Variants in ANKRD30B observed in about 807,000 individuals in gnomAD.
ANKRD30B encodes ankyrin repeat domain 30B.
ANKRD30B carries 144 observed loss-of-function variants against 202.2 expected under a neutral mutation model. That is an observed-to-expected ratio of 0.71 (90% CI 0.62 to 0.82). The LOEUF is 0.82. Ranked by LOEUF, ANKRD30B falls within the 40% of genes least tolerant of loss-of-function variation. The probability of loss-of-function intolerance (pLI) is 0.00; values close to 1 mark genes in which losing one functional copy is unlikely to be tolerated. For synonymous variants in ANKRD30B, 508 were observed against 561.3 expected (o/e 0.91, Z 1.34); for missense variants, 1,487 against 1,669.1 (o/e 0.89, Z 1.90).
At chr18:14,787,175 T>C in intron 15 of ANKRD30B, 75 bp downstream of exon 15, 2 of 1,354,496 alleles carry the variant, frequency 1.5e-6, no homozygotes, top group South Asian at 2.6e-5. Context: ...GCTTAGACTT[T>C]ATTTTCTCAC....
intron 16 of ANKRD30B, among the ~76,000 whole-genome samples, chr18:14,793,337 T>A: frequency 6.6e-6 from 1 of 152,152 alleles, no homozygotes; most frequent in East Asian, 1.9e-4. Context: ...TGATAAATAT[T>A]TGTAATGTAA....
the ANKRD30B span, among the ~76,000 whole-genome samples, chr18:14,929,960 T>C: frequency 6.6e-6 from 1 of 152,156 alleles, no homozygotes; most frequent in Non-Finnish European, 1.5e-5. Context: ...AAAAGCAGAC[T>C]TCAGGCAGAA....
At position 14,799,132 on chromosome 18, in the gene ANKRD30B, A is replaced by G; in HGVS notation, c.2058+3A>G. 1 of 1,579,072 alleles carries G rather than the reference A, an allele frequency of 6.3e-7. No individual in the cohort carries two copies. Among genetic ancestry groups the G allele is most frequent in the Non-Finnish European group, 8.7e-7 (1 of 1,150,888 alleles). ...CTGATAATGATGGTCTTCTGAAGGT[A>G]ATAACTTTTATATTTTTATCTTGAA... On this transcript the variant is annotated splice_donor_region_variant and intron_variant, in intron 21 of 43. Transcript: ENST00000690538.
At chr18:14,867,465 G>T in the ANKRD30B span, among the ~76,000 whole-genome samples, 1 of 152,040 alleles carries the variant, frequency 6.6e-6, no homozygotes, top group Non-Finnish European at 1.5e-5. Context: ...ACTTCTGCTC[G>T]TGTTGGAGCG....
At chr18:14,926,589 T>G in the ANKRD30B span, among the ~76,000 whole-genome samples, 30 of 152,348 alleles carry the variant, frequency 2.0e-4, no homozygotes, top group African/African-American at 6.7e-4. Context: ...AATATTTGAA[T>G]TTTTTAAGTA....
intron 30 of ANKRD30B, among the ~76,000 whole-genome samples, chr18:14,819,579 A>G (rs2144103408): frequency 6.6e-6 from 1 of 151,236 alleles, no homozygotes; most frequent in East Asian, 1.9e-4. Flanking sequence ...CTTTCTACAT[A>G]TGGCTCGCCA....
chr18:14,820,839 C>T (rs1197362315), intron 30 of ANKRD30B, among the ~76,000 whole-genome samples: 1 of 152,158 alleles, frequency 6.6e-6, no homozygotes, highest in African/African-American at 2.4e-5. Flanking sequence ...TCTGTTGTGT[C>T]TCTGCCCGGC....
chr18:14,799,528 G>C (rs914630225), intron 22 of ANKRD30B, among the ~76,000 whole-genome samples: 2 of 152,006 alleles, frequency 1.3e-5, no homozygotes, highest in Admixed American at 6.6e-5. Flanking sequence ...TTAATATCCC[G>C]ATAGTATAAA....
At chr18:14,929,245 T>G in the ANKRD30B span, among the ~76,000 whole-genome samples, 1 of 152,186 alleles carries the variant, frequency 6.6e-6, no homozygotes, top group African/African-American at 2.4e-5. Flanking sequence ...AACTTCATTC[T>G]CCATCAGGTG....
chr18:14,905,959 G>C, the ANKRD30B span: 1 of 152,122 alleles, frequency 6.6e-6, no homozygotes, highest in Admixed American at 6.5e-5. Flanking sequence ...TCATGGCCTG[G>C]AATTCAGTTT....
chr18:14,800,381 G>A (rs551393905), intron 22 of ANKRD30B, among the ~76,000 whole-genome samples: 127 of 150,886 alleles, frequency 8.4e-4, no homozygotes, highest in Non-Finnish European at 1.5e-3. Context: ...CTGGAGAGCA[G>A]TGGTGTGATC....
chr18:14,779,767 T>C (rs1967602360), intron 10 of ANKRD30B, among the ~76,000 whole-genome samples, 193 bp from the exon 11 acceptor site: 1 of 91,340 alleles, frequency 1.1e-5, no homozygotes, highest in East Asian at 2.9e-4. Flanking sequence ...CTAATGAATA[T>C]AAAGTTAATT....
At chr18:14,936,248 G>A in the ANKRD30B span, among the ~76,000 whole-genome samples, 1 of 152,218 alleles carries the variant, frequency 6.6e-6, no homozygotes, top group Non-Finnish European at 1.5e-5. Context: ...GACTGTCTGT[G>A]TTGGAGGTGT....
chr18:14,839,939 A>G (rs1393532596), intron 36 of ANKRD30B, among the ~76,000 whole-genome samples: 2 of 152,138 alleles, frequency 1.3e-5, no homozygotes, highest in Non-Finnish European at 2.9e-5. Flanking sequence ...GAAATGTCCT[A>G]TTGTTTTTGG....
intron 30 of ANKRD30B, among the ~76,000 whole-genome samples, chr18:14,819,739 A>C (rs2144104307): frequency 6.6e-6 from 1 of 152,260 alleles, no homozygotes; most frequent in South Asian, 2.1e-4. Flanking sequence ...TTTCGGTACC[A>C]GTACCATGCT....
At chr18:14,912,013 T>A in the ANKRD30B span, among the ~76,000 whole-genome samples, 1 of 152,064 alleles carries the variant, frequency 6.6e-6, no homozygotes, top group Non-Finnish European at 1.5e-5. Context: ...AATCTAAGAG[T>A]TTATTGGTGG....
chr18:14,923,937 G>A, the ANKRD30B span, among the ~76,000 whole-genome samples: 1 of 152,248 alleles, frequency 6.6e-6, no homozygotes, highest in African/African-American at 2.4e-5. Context: ...CTGTGGTGCT[G>A]GGATACCCCT....
At chr18:14,880,079 A>G in the ANKRD30B span, among the ~76,000 whole-genome samples, 6 of 151,916 alleles carry the variant, frequency 3.9e-5, no homozygotes, top group African/African-American at 1.5e-4. Flanking sequence ...ATGAGAATCC[A>G]GTTTTATTCC....
chr18:14,827,670 C>A (rs1489314106), intron 32 of ANKRD30B, among the ~76,000 whole-genome samples: 1 of 152,154 alleles, frequency 6.6e-6, no homozygotes, highest in Non-Finnish European at 1.5e-5. Flanking sequence ...AGATAAGAGA[C>A]TACTGTATAC....
Sources: gnomAD v4.1 joint callset for allele counts (sites outside exome capture counted in the v4.1 genomes callset) on GRCh38, gnomAD v4.1.1 for gene constraint, MANE v1.5 for transcripts, NCBI Gene and HGNC (gene_info 2026-07-23, HGNC 2026-07-21) for gene names.